Variants in ADCY2 observed in about 807,000 individuals in gnomAD.
The protein encoded by ADCY2 is adenylate cyclase 2.
A neutral mutation model predicts 125.2 loss-of-function variants in ADCY2; 31 were observed. That is an observed-to-expected ratio of 0.25 (90% CI 0.19 to 0.33). The LOEUF (loss-of-function observed/expected upper bound fraction) is 0.33. Among genes scored for constraint, ADCY2 ranks in the 10% least tolerant of loss-of-function variants. The pLI is 1.00. For synonymous variants in ADCY2, 512 were observed against 548.4 expected (o/e 0.93, Z 0.93); for missense variants, 904 against 1,418.2 (o/e 0.64, Z 5.82).
At chr5:7,409,671 A>G (rs1312818042) in intron 1 of ADCY2, among the ~76,000 whole-genome samples, 1 of 152,250 alleles carries the variant, frequency 6.6e-6, no homozygotes, top group African/African-American at 2.4e-5. Flanking sequence ...TTTTTCAATT[A>G]GGCCAAGATT....
intron 4 of ADCY2, among the ~76,000 whole-genome samples, chr5:7,632,379 G>C (rs1355299934): frequency 1.3e-5 from 2 of 151,926 alleles, no homozygotes; most frequent in African/African-American, 4.8e-5. Flanking sequence ...TCTCCTCCTT[G>C]GTAAAGAGGC....
rs560558864 is a variant in ADCY2 at position 7,533,946 on chromosome 5, T to G, written c.570+13047T>G. Among the ~76,000 whole-genome samples the G allele has an allele frequency of 2.0e-5, 3 of 152,298 alleles. No homozygotes were observed. In the South Asian group the frequency reaches 6.2e-4, roughly 32 times the overall value. On this transcript the variant is annotated intron_variant, in intron 3 of 24. Transcript: ENST00000338316. ...CATGGTGCTCATCAGTCCTAGTGGT[T>G]CCCATAGCCAATGGAGATGCTGACT...
At chr5:7,660,193 G>A (rs1739472237) in intron 4 of ADCY2, among the ~76,000 whole-genome samples, 1 of 120,712 alleles carries the variant, frequency 8.3e-6, no homozygotes, top group Non-Finnish European at 1.7e-5. Context: ...AATAAAAGTG[G>A]AAAAGAAAGA....
intron 7 of ADCY2, among the ~76,000 whole-genome samples, chr5:7,704,607 C>T (rs940990062): frequency 3.9e-5 from 6 of 152,030 alleles, no homozygotes; most frequent in African/African-American, 1.2e-4. Context: ...TGGCCGGGCG[C>T]GGTGGGTCAC....
At chr5:7,614,301 C>T (rs1412477768) in intron 3 of ADCY2, among the ~76,000 whole-genome samples, 1 of 152,136 alleles carries the variant, frequency 6.6e-6, no homozygotes, top group Non-Finnish European at 1.5e-5. Flanking sequence ...CTCTCTATCC[C>T]CTCTGAGTGG....
At chr5:7,456,608 T>A (rs972759530) in intron 2 of ADCY2, among the ~76,000 whole-genome samples, 1 of 152,224 alleles carries the variant, frequency 6.6e-6, no homozygotes, top group African/African-American at 2.4e-5. Context: ...TATATGGAAA[T>A]ACTGCTTATT....
intron 15 of ADCY2, among the ~76,000 whole-genome samples, chr5:7,749,265 A>G (rs1416222157): frequency 6.6e-6 from 1 of 152,216 alleles, no homozygotes; most frequent in Non-Finnish European, 1.5e-5. Flanking sequence ...ATCTTAAAAG[A>G]CATTTGATAA....
chr5:7,811,411 G>A (rs1038768868), intron 22 of ADCY2, among the ~76,000 whole-genome samples: 4 of 151,744 alleles, frequency 2.6e-5, no homozygotes, highest in African/African-American at 7.3e-5. Flanking sequence ...TGAGGCAGGA[G>A]AATAGTGTGA....
intron 15 of ADCY2, among the ~76,000 whole-genome samples, chr5:7,757,064 C>T (rs1743015642): frequency 6.6e-6 from 1 of 152,140 alleles, no homozygotes; most frequent in Admixed American, 6.5e-5. Context: ...TCGCTTGCCA[C>T]ATAAATCAGC....
intron 2 of ADCY2, among the ~76,000 whole-genome samples, chr5:7,471,617 T>C (rs1325194585): frequency 6.6e-6 from 1 of 152,076 alleles, no homozygotes; most frequent in East Asian, 1.9e-4. Context: ...TTTAGAGTTA[T>C]TTTAAAAGGT....
chr5:7,535,583 C>T (rs760177333), intron 3 of ADCY2, among the ~76,000 whole-genome samples: 11 of 152,262 alleles, frequency 7.2e-5, no homozygotes, highest in Middle Eastern at 3.4e-3. Context: ...AAAATGACCA[C>T]GCTTCCGGCA....
intron 1 of ADCY2, among the ~76,000 whole-genome samples, chr5:7,402,543 T>G (rs10512921): frequency 1.3e-5 from 2 of 151,968 alleles, no homozygotes; most frequent in African/African-American, 2.4e-5. Context: ...AAAAAACCAT[T>G]GTGGGCTGCT....
intron 20 of ADCY2, among the ~76,000 whole-genome samples, chr5:7,791,040 C>T (rs940519906): frequency 9.4e-6 from 1 of 106,730 alleles, no homozygotes; most frequent in Non-Finnish European, 2.4e-5. Context: ...GTTTTCTGGT[C>T]AGTTTTTTTT....
intron 3 of ADCY2, among the ~76,000 whole-genome samples, chr5:7,598,945 T>G (rs760034308): frequency 1.1e-4 from 16 of 152,336 alleles, no homozygotes; most frequent in Non-Finnish European, 2.2e-4. Context: ...ATTTTTTGTG[T>G]GAAGATGCTG....
At chr5:7,613,618 G>A (rs1003700132) in intron 3 of ADCY2, among the ~76,000 whole-genome samples, 10 of 152,272 alleles carry the variant, frequency 6.6e-5, no homozygotes, top group African/African-American at 2.4e-4. Context: ...TTTTCTTGGC[G>A]TTTCATCTCA....
intron 12 of ADCY2, among the ~76,000 whole-genome samples, chr5:7,721,481 A>G (rs10475390): frequency 0.97 from 148,254 of 152,340 alleles, 72,262 homozygotes; most frequent in East Asian, 1. Flanking sequence ...CCAGGCCTAT[A>G]GCCTGAATGG....
At chr5:7,575,961 A>T (rs947051642) in intron 3 of ADCY2, among the ~76,000 whole-genome samples, 3 of 152,136 alleles carry the variant, frequency 2.0e-5, no homozygotes, top group African/African-American at 7.2e-5. Context: ...ATGTCTGTGT[A>T]TTTTTGGCAA....
intron 4 of ADCY2, among the ~76,000 whole-genome samples, chr5:7,658,874 C>CT (rs958007194): frequency 1.3e-5 from 2 of 151,940 alleles, no homozygotes; most frequent in African/African-American, 4.8e-5. Flanking sequence ...GGAAATAACT[C>CT]TTTTTTTTCG....
chr5:7,752,796 G>T (rs1742866343), intron 15 of ADCY2, among the ~76,000 whole-genome samples: 1 of 151,394 alleles, frequency 6.6e-6, no homozygotes, highest in South Asian at 2.1e-4. Flanking sequence ...AGGAAGATCT[G>T]CATGTACTGG....
Sources: gnomAD v4.1 joint callset for allele counts (sites outside exome capture counted in the v4.1 genomes callset) on GRCh38, gnomAD v4.1.1 for gene constraint, MANE v1.5 for transcripts, NCBI Gene and HGNC (gene_info 2026-07-23, HGNC 2026-07-21) for gene names.